RNF214: variants seen among roughly 807,000 people sequenced by gnomAD.
RNF214 encodes ring finger protein 214.
A neutral mutation model predicts 75.9 loss-of-function variants in RNF214; 25 were observed. The observed-to-expected ratio is 0.33, with a 90% CI of 0.24 to 0.46. The LOEUF is 0.46. Among genes scored for constraint, RNF214 ranks in the 20% least tolerant of loss-of-function variants. RNF214 has a pLI of 1.00. For synonymous variants in RNF214, 314 were observed against 308.8 expected (o/e 1.02, Z -0.18); for missense variants, 725 against 857.5 (o/e 0.85, Z 1.93).
intron 6 of RNF214, among the ~76,000 whole-genome samples, chr11:117,270,241 C>CTTTTTTTTTTTT (rs57144374): frequency 9.2e-5 from 7 of 75,850 alleles, no homozygotes; most frequent in African/African-American, 2.3e-4. Context: ...CTTTTCTTTT[C>CTTTTTTTTTTTT]TTTTTTTTTT....
chr11:117,271,999 G>A (rs1036788018), intron 6 of RNF214, among the ~76,000 whole-genome samples: 2 of 152,064 alleles, frequency 1.3e-5, no homozygotes, highest in Non-Finnish European at 2.9e-5. Context: ...TTTTCTTAGA[G>A]GCGAGGGTCT....
At position 117,285,498 on chromosome 11, in the gene RNF214, A is replaced by G. The variant is rs2034235692; in HGVS notation, c.*347A>G. The G allele has an allele frequency of 5.5e-6, 1 of 181,996 alleles. No individual in the cohort carries two copies. Among genetic ancestry groups the G allele is most frequent in the African/African-American group, 2.4e-5 (1 of 41,928 alleles). 11.3% of individuals were successfully genotyped at this position (181,996 alleles called of 1,614,324 possible). A position where few individuals can be genotyped will look rare whatever the true frequency, so the allele number is the denominator to read the frequency against. ...AGGAACCTGCTGTTGCTCTAAGGCC[A>G]TTCTGCTTTGGTTTGGCTCAGCCTC... is the stretch of plus-strand genomic sequence containing the variant. On this transcript the variant is annotated 3_prime_UTR_variant, in exon 15 of 15. Coordinates refer to ENST00000300650, the MANE Select transcript of RNF214 (RefSeq NM_207343.4).
At chr11:117,282,360 G>T in intron 11 of RNF214, 44 bp from the exon 12 acceptor site, 3 of 1,604,852 alleles carry the variant, frequency 1.9e-6, no homozygotes, top group Non-Finnish European at 1.7e-6. Flanking sequence ...GTTCCCCGTG[G>T]GTATAGCATA....
Position 117,282,515 on chromosome 11 carries a change from G to C in RNF214, c.1824G>C (p.Glu608Asp). 5 of 1,614,138 alleles carry C rather than the reference G, an allele frequency of 3.1e-6. No homozygotes were observed. Among genetic ancestry groups the C allele is most frequent in the Non-Finnish European group, 4.2e-6 (5 of 1,180,014 alleles). Residue 608 changes from glutamate (E) to aspartate (D), a missense_variant, in exon 12 of 15, where the codon GAG (glutamate) becomes GAC (aspartate). By Grantham distance (45) the Glu-to-Asp change is conservative. Coordinates refer to ENST00000300650, the MANE Select transcript of RNF214 (RefSeq NM_207343.4). ...QLVAARLAEH[E>D]RVAASTQPLG... ...TTGCTGCACGACTGGCAGAACATGA[G>C]CGGGTGGCAGCAAGTACTCAGGTGA...
At chr11:117,258,577 A>G (rs1368712302) in intron 6 of RNF214, among the ~76,000 whole-genome samples, 1 of 152,154 alleles carries the variant, frequency 6.6e-6, no homozygotes, top group Non-Finnish European at 1.5e-5. Context: ...ATATGCAGTT[A>G]AATATACAAA....
At position 117,265,600 on chromosome 11, in the gene RNF214, A is replaced by C. The variant is rs545458619; in HGVS notation, c.960-14308A>C. Among the ~76,000 whole-genome samples, 7 of 152,222 alleles carry C rather than the reference A, an allele frequency of 4.6e-5. No individual in the cohort carries two copies. In the South Asian group the frequency reaches 1.5e-3, roughly 32 times the overall value. ...AGCTGATTTTTGGTATTTTTAGTAG[A>C]AATAGGGTTTCACCATGTTGGCCAG... On this transcript the variant is annotated intron_variant, in intron 6 of 14. Transcript: ENST00000300650.
chr11:117,251,684 T>C (rs982512610), intron 6 of RNF214, among the ~76,000 whole-genome samples: 1 of 151,984 alleles, frequency 6.6e-6, no homozygotes, highest in Admixed American at 6.5e-5. Flanking sequence ...GAAAAGACAC[T>C]GCCGGCAGGG....
chr11:117,238,569 A>T, intron 2 of RNF214, 32 bp from the exon 3 acceptor site: 1 of 1,566,472 alleles, frequency 6.4e-7, no homozygotes, highest in Non-Finnish European at 8.6e-7. Flanking sequence ...AAAGTATTAT[A>T]TACTTTTCTT....
chr11:117,256,433 C>T (rs575885602), intron 6 of RNF214, among the ~76,000 whole-genome samples: 1 of 152,254 alleles, frequency 6.6e-6, no homozygotes, highest in South Asian at 2.1e-4. Flanking sequence ...ATTCATGTGG[C>T]TCCGGTCAGG....
intron 6 of RNF214, among the ~76,000 whole-genome samples, chr11:117,266,244 GTTTGAC>G (rs568854532): frequency 1.3e-3 from 195 of 152,234 alleles, no homozygotes; most frequent in Non-Finnish European, 2.3e-3. Context: ...GTTTTCAGCA[GTTTGAC>G]TTTGATTTGC....
intron 6 of RNF214, among the ~76,000 whole-genome samples, chr11:117,251,836 A>T (rs1437391690): frequency 2.0e-5 from 3 of 152,178 alleles, no homozygotes; most frequent in Non-Finnish European, 2.9e-5. Context: ...GAGAGTATCA[A>T]ATGATACAAT....
Position 117,280,982 on chromosome 11 carries a change from CTT to C in RNF214, c.1146-312_1146-311del, listed in dbSNP as rs57955215. On this transcript the variant is annotated intron_variant, in intron 8 of 14. Coordinates refer to ENST00000300650, the MANE Select transcript of RNF214 (RefSeq NM_207343.4). ...CTATCTCAGAGAATTAGGAATAGGGCTTTTTTTTTTTTTTTTTTTTTAATGAC... is the reference window on the plus strand; with the variant it reads ...CTATCTCAGAGAATTAGGAATAGGGCTTTTTTTTTTTTTTTTTTTAATGAC... Among the ~76,000 whole-genome samples, 38 of 87,990 alleles carry C rather than the reference CTT, an allele frequency of 4.3e-4. No homozygotes were observed. The East Asian group carries it at 6.8e-3, about 16-fold the overall frequency. The allele number at this position is 87,990 out of a possible 152,430, so 57.7% of individuals were successfully genotyped here.
In RNF214 at chr11:117,285,261, C is replaced by A; in HGVS notation, c.*110C>A. ...CAGTGACATATACTCATGCCATGTACATTTTTATTATATAGGTAATGTGTG... is the reference window on the plus strand; with the variant it reads ...CAGTGACATATACTCATGCCATGTAAATTTTTATTATATAGGTAATGTGTG... On this transcript the variant is annotated 3_prime_UTR_variant, in exon 15 of 15. Coordinates refer to ENST00000300650, the MANE Select transcript of RNF214 (RefSeq NM_207343.4). 1.4e-6 allele frequency: 1 copy of A among 723,668 alleles called. No homozygotes were observed. Among genetic ancestry groups the A allele is most frequent in the South Asian group, 1.7e-5 (1 of 60,200 alleles). The allele number at this position is 723,668 out of a possible 1,614,324, so 44.8% of individuals were successfully genotyped here.
intron 6 of RNF214, among the ~76,000 whole-genome samples, chr11:117,266,694 AT>A (rs1402526042): frequency 6.6e-6 from 1 of 151,590 alleles, no homozygotes; most frequent in Non-Finnish European, 1.5e-5. Flanking sequence ...ATTTTCAAAT[AT>A]TTTTTTCTGC....
intron 4 of RNF214, among the ~76,000 whole-genome samples, chr11:117,240,776 T>C (rs556518966): frequency 1.6e-4 from 24 of 152,280 alleles, no homozygotes; most frequent in African/African-American, 5.5e-4. Flanking sequence ...GCGCGGTGAC[T>C]CACGCCTGTA....
rs57144374 is a variant in RNF214, at chr11:117,270,241, C to CTTTTTTTTTTTTTTTT, written c.960-9656_960-9641dup. On this transcript the variant is annotated intron_variant, in intron 6 of 14. Coordinates refer to ENST00000300650, the MANE Select transcript of RNF214 (RefSeq NM_207343.4). The stretch of plus-strand genomic sequence containing the variant: ...TTTCAATTTTCTTTTCTTTTCTTTT[C>CTTTTTTTTTTTTTTTT]TTTTTTTTTTTTTTTTTTTTTTTTT... 5.8e-4 allele frequency among the ~76,000 whole-genome samples: 44 copies of CTTTTTTTTTTTTTTTT among 75,858 alleles called. 1 individual carries two copies. The highest frequency in any genetic ancestry group is 8.0e-4 in the Non-Finnish European group (31 of 38,934). 49.8% of individuals were successfully genotyped at this position (75,858 alleles called of 152,430 possible). A position where few individuals can be genotyped will look rare whatever the true frequency, so the allele number is the denominator to read the frequency against.
At chr11:117,278,689 A>G (rs12292027) in intron 6 of RNF214, among the ~76,000 whole-genome samples, 11,912 of 152,184 alleles carry the variant, frequency 0.078, 558 homozygotes, top group East Asian at 0.14. Flanking sequence ...TGAAGAGAAC[A>G]TTTTTTTCCT....
At chr11:117,272,515 T>C (rs959114929) in intron 6 of RNF214, among the ~76,000 whole-genome samples, 10 of 150,534 alleles carry the variant, frequency 6.6e-5, no homozygotes, top group African/African-American at 2.5e-4. Context: ...GATGACGGGT[T>C]GATAGGTGGA....
intron 6 of RNF214, among the ~76,000 whole-genome samples, chr11:117,278,132 G>A (rs2034051584): frequency 6.6e-6 from 1 of 151,642 alleles, no homozygotes; most frequent in Non-Finnish European, 1.5e-5. Flanking sequence ...GTGAAACCCT[G>A]TCTCTACTAA....
Sources: allele counts gnomAD v4.1 joint callset (sites outside exome capture counted in the v4.1 genomes callset), GRCh38; gene constraint gnomAD v4.1.1; transcripts MANE v1.5; gene names NCBI Gene and HGNC (gene_info 2026-07-23, HGNC 2026-07-21).